Variants in APOOL observed in about 807,000 individuals in gnomAD.
APOOL encodes apolipoprotein O like.
APOOL carries 12 observed loss-of-function variants against 23.1 expected under a neutral mutation model. The ratio of observed to expected loss-of-function variants is 0.52; its 90% CI spans 0.33 to 0.84. The LOEUF (loss-of-function observed/expected upper bound fraction) is 0.84. APOOL is among the 40% of genes least tolerant of loss of function. APOOL has a pLI of 0.02. For missense variants in APOOL, 212 were observed against 199.6 expected (o/e 1.06, Z -0.37); for synonymous variants, 77 against 69.9 (o/e 1.10, Z -0.51).
chrX:85,027,830 T>G (rs1771265333), intron 1 of APOOL, among the ~76,000 whole-genome samples: 1 of 112,091 alleles, frequency 8.9e-6, no homozygotes, highest in Non-Finnish European at 1.9e-5. Context: ...AATTTGCTAA[T>G]TTTTACTAGT....
intron 3 of APOOL, 76 bp from the exon 4 acceptor site, chrX:85,054,266 CAG>C (rs2147648656): frequency 2.2e-6 from 2 of 911,451 alleles, no homozygotes; most frequent in Non-Finnish European, 3.1e-6. Context: ...AATATAATCT[CAG>C]AGATGCAGGC....
intron 1 of APOOL, among the ~76,000 whole-genome samples, chrX:85,023,198 T>C (rs1921728978): frequency 8.9e-6 from 1 of 112,071 alleles, no homozygotes; most frequent in African/African-American, 3.2e-5. Flanking sequence ...TACACAAAAA[T>C]CTTTTAAAAG....
chrX:85,092,859 C>A lies in APOOL; in HGVS notation c.*5181C>A. The A allele has an allele frequency of 3.1e-6, 1 of 319,831 alleles. No individual in the cohort carries two copies. The highest frequency in any genetic ancestry group is 5.4e-6 in the Non-Finnish European group (1 of 184,602). 26.4% of individuals were successfully genotyped at this position (319,831 alleles called of 1,213,427 possible). ...GTTTCCAAAATACAAGAAGATCTTG[C>A]TTTTATAGTCTTGTAATATTCATAC... is the stretch of plus-strand genomic sequence containing the variant. On this transcript the variant is annotated 3_prime_UTR_variant, in exon 9 of 9. Transcript: ENST00000373173.
At chrX:85,027,715 G>C (rs1921889851) in intron 1 of APOOL, among the ~76,000 whole-genome samples, 1 of 112,055 alleles carries the variant, frequency 8.9e-6, no homozygotes, top group Non-Finnish European at 1.9e-5. Context: ...TAGGGTTTAA[G>C]TCGCCATGAA....
intron 3 of APOOL, among the ~76,000 whole-genome samples, chrX:85,053,996 A>G (rs1425565327): frequency 8.9e-6 from 1 of 111,780 alleles, no homozygotes; most frequent in Non-Finnish European, 1.9e-5. Context: ...TGTTGCTTCT[A>G]AACTGAAATA....
chrX:85,054,442 T>C, intron 4 of APOOL, 44 bp downstream of exon 4: 3 of 1,070,555 alleles, frequency 2.8e-6, no homozygotes, highest in Non-Finnish European at 3.8e-6. Flanking sequence ...TGTTTTTAAA[T>C]TGCATTGTTT....
chrX:85,025,946 C>T (rs1302513208), intron 1 of APOOL, among the ~76,000 whole-genome samples: 2 of 113,136 alleles, frequency 1.8e-5, no homozygotes, highest in Admixed American at 1.9e-4. Context: ...TGGGGACCAA[C>T]CCTTGGCACT....
Position 85,088,316 on chromosome X carries a change from GTTTTTTTTTTTTTTT to G in APOOL, c.*653_*667del, listed in dbSNP as rs766497759. 8 of 22,528 alleles carry G rather than the reference GTTTTTTTTTTTTTTT, an allele frequency of 3.6e-4. No individual in the cohort carries two copies. The highest frequency in any genetic ancestry group is 1.1e-3 in the African/African-American group (7 of 6,406). The allele number at this position is 22,528 out of a possible 1,213,427, so 1.9% of individuals were successfully genotyped here. ...TGTATGGAAAGGTGTGTTTCCCTCT[GTTTTTTTTTTTTTTT>G]TTTTTTTTTTTTTTCCCATTTCCTA... On this transcript the variant is annotated 3_prime_UTR_variant, in exon 9 of 9. Transcript: ENST00000373173.
chrX:85,013,951 T>C (rs60860972), intron 1 of APOOL, among the ~76,000 whole-genome samples: 4,949 of 111,451 alleles, frequency 0.044, 244 homozygotes, highest in African/African-American at 0.14. Context: ...TGTGTTGCTG[T>C]CTATCTCATT....
chrX:85,063,040 G>A (rs761114460), intron 5 of APOOL, among the ~76,000 whole-genome samples: 4 of 111,162 alleles, frequency 3.6e-5, no homozygotes, highest in South Asian at 3.8e-4. Flanking sequence ...TGATTTCCTC[G>A]AGCAATGGTT....
intron 1 of APOOL, among the ~76,000 whole-genome samples, chrX:85,004,435 C>T (rs766814179): frequency 3.6e-5 from 4 of 111,727 alleles, no homozygotes; most frequent in Admixed American, 9.5e-5. Flanking sequence ...CTCGAATAAC[C>T]TGTTCCTTTC....
chrX:85,070,315 C>G (rs1028669801), intron 6 of APOOL, among the ~76,000 whole-genome samples: 22 of 111,024 alleles, frequency 2.0e-4, no homozygotes, highest in African/African-American at 7.2e-4. Context: ...CTAGAAGGTC[C>G]TTTGAAAAAC....
chrX:85,074,490 A>C, intron 8 of APOOL, 99 bp downstream of exon 8: 1 of 976,289 alleles, frequency 1.0e-6, no homozygotes, highest in Admixed American at 3.1e-5. Context: ...TCTCCCCATA[A>C]ATATTTTGTC....
chrX:85,087,177 C>T (rs1402461338), intron 8 of APOOL, among the ~76,000 whole-genome samples: 5 of 110,595 alleles, frequency 4.5e-5, no homozygotes, highest in Non-Finnish European at 7.6e-5. Context: ...ACATACACCA[C>T]ATTTGTCTAC....
At chrX:85,048,502 T>C (rs1333985466) in intron 2 of APOOL, among the ~76,000 whole-genome samples, 1 of 112,170 alleles carries the variant, frequency 8.9e-6, no homozygotes, top group African/African-American at 3.2e-5. Context: ...TTAAATATCA[T>C]TTAATTGAAT....
intron 1 of APOOL, among the ~76,000 whole-genome samples, chrX:85,026,279 G>T (rs1827505057): frequency 8.8e-6 from 1 of 113,182 alleles, no homozygotes; most frequent in Non-Finnish European, 1.9e-5. Flanking sequence ...CTGAGGCTGT[G>T]CAGGGCTATG....
intron 5 of APOOL, among the ~76,000 whole-genome samples, chrX:85,059,653 T>C (rs1461520014): frequency 1.8e-5 from 2 of 110,235 alleles, no homozygotes; most frequent in Non-Finnish European, 3.8e-5. Context: ...TTTTCATGTG[T>C]TTTTTGGCTG....
chrX:85,048,013 T>A (rs1257580252), intron 2 of APOOL, among the ~76,000 whole-genome samples: 3 of 111,741 alleles, frequency 2.7e-5, no homozygotes, highest in African/African-American at 9.7e-5. Context: ...TCAGTACTTG[T>A]TGAACCACTT....
chrX:85,038,537 T>G (rs1415746604), intron 1 of APOOL, among the ~76,000 whole-genome samples: 3 of 101,888 alleles, frequency 2.9e-5, no homozygotes, highest in African/African-American at 1.1e-4. Context: ...TTTTTTTTTT[T>G]TTTTTTTTTT....
Sources: allele counts gnomAD v4.1 joint callset (sites outside exome capture counted in the v4.1 genomes callset), GRCh38; gene constraint gnomAD v4.1.1; transcripts MANE v1.5; gene names NCBI Gene and HGNC (gene_info 2026-07-23, HGNC 2026-07-21).